Variants in NEMP2 observed in about 807,000 individuals in gnomAD.
The protein encoded by NEMP2 is UPF0571 transmembrane protein.
A neutral mutation model predicts 54.2 loss-of-function variants in NEMP2; 53 were observed. The ratio of observed to expected loss-of-function variants is 0.98; its 90% CI spans 0.78 to 1.23. NEMP2 has a LOEUF of 1.23. NEMP2 is among the 50% of genes most tolerant of loss of function. NEMP2 has a pLI of 0.00. For synonymous variants in NEMP2, 197 were observed against 190.3 expected (o/e 1.04, Z -0.29); for missense variants, 455 against 511.3 (o/e 0.89, Z 1.06).
At chr2:190,488,530 T>A in the NEMP2 span, 4 of 914,760 alleles carry the variant, frequency 4.4e-6, no homozygotes, top group African/African-American at 3.4e-5. This position sits in a 1 kb window ranked among gnomAD's most constrained non-coding sequence, Gnocchi z 6.4. Context: ...AAATGGTAAA[T>A]TTTTAATGTA....
the NEMP2 span, among the ~76,000 whole-genome samples, chr2:190,562,414 T>C: frequency 6.6e-6 from 1 of 152,180 alleles, no homozygotes; most frequent in Non-Finnish European, 1.5e-5. The surrounding 1 kb of genome is among the most constrained non-coding windows in gnomAD (Gnocchi z 5.0). Flanking sequence ...CCATGGAGCA[T>C]TAAGCACTCC....
the NEMP2 span, among the ~76,000 whole-genome samples, chr2:190,646,308 T>C: frequency 3.9e-5 from 6 of 152,210 alleles, no homozygotes; most frequent in African/African-American, 1.4e-4. Context: ...TCTCTTTGCT[T>C]TCCTCTAACA....
At chr2:190,457,568 A>G in the NEMP2 span, among the ~76,000 whole-genome samples, 1 of 152,204 alleles carries the variant, frequency 6.6e-6, no homozygotes, top group Non-Finnish European at 1.5e-5. This position sits in a 1 kb window ranked among gnomAD's most constrained non-coding sequence, Gnocchi z 5.1. Flanking sequence ...CTTGAAGCCA[A>G]TTGACCTGAA....
the NEMP2 span, among the ~76,000 whole-genome samples, chr2:190,541,174 A>G: frequency 7.3e-6 from 1 of 137,812 alleles, no homozygotes; most frequent in Non-Finnish European, 1.6e-5. The surrounding 1 kb of genome is among the most constrained non-coding windows in gnomAD (Gnocchi z 5.2). Context: ...CATTTTATAT[A>G]TATGTGTATA....
chr2:190,635,880 T>C, the NEMP2 span, among the ~76,000 whole-genome samples: 1 of 152,228 alleles, frequency 6.6e-6, no homozygotes, highest in Non-Finnish European at 1.5e-5. This position sits in a 1 kb window ranked among gnomAD's most constrained non-coding sequence, Gnocchi z 4.1. Flanking sequence ...TGTTGTTTGT[T>C]TTTTGAGACA....
At chr2:190,619,169 A>G in the NEMP2 span, among the ~76,000 whole-genome samples, 1 of 152,082 alleles carries the variant, frequency 6.6e-6, no homozygotes, top group Non-Finnish European at 1.5e-5. The surrounding 1 kb of genome is among the most constrained non-coding windows in gnomAD (Gnocchi z 5.5). Context: ...GCTTGAGCCC[A>G]GGAATTTGAG....
the NEMP2 span, among the ~76,000 whole-genome samples, chr2:190,621,622 CA>C: frequency 1.3e-5 from 2 of 151,526 alleles, no homozygotes; most frequent in Non-Finnish European, 2.9e-5. Context: ...GTAATTGGCT[CA>C]TATGTCCCTA....
intron 6 of NEMP2, 108 bp downstream of exon 6, chr2:190,516,162 C>G (rs1690547944): frequency 1.4e-6 from 1 of 730,498 alleles, no homozygotes; most frequent in Non-Finnish European, 2.2e-6. Context: ...TTCGTTAGTT[C>G]AAAATGAAAA....
At chr2:190,465,136 C>T in the NEMP2 span, among the ~76,000 whole-genome samples, 26 of 152,138 alleles carry the variant, frequency 1.7e-4, no homozygotes, top group Admixed American at 3.9e-4. This position sits in a 1 kb window ranked among gnomAD's most constrained non-coding sequence, Gnocchi z 4.6. Context: ...GAATCTGTAA[C>T]AATTTTTTTC....
chr2:190,449,778 A>G, the NEMP2 span, among the ~76,000 whole-genome samples: 3 of 150,334 alleles, frequency 2.0e-5, no homozygotes, highest in African/African-American at 7.4e-5. Flanking sequence ...AAAACCAAAC[A>G]CCGCATATTC....
chr2:190,616,271 C>A, the NEMP2 span, among the ~76,000 whole-genome samples: 4 of 152,060 alleles, frequency 2.6e-5, no homozygotes, highest in African/African-American at 7.2e-5. The surrounding 1 kb of genome is among the most constrained non-coding windows in gnomAD (Gnocchi z 5.1). Flanking sequence ...AAACCTGAAC[C>A]AGAAGCACCT....
At chr2:190,451,828 A>G in the NEMP2 span, among the ~76,000 whole-genome samples, 14 of 152,358 alleles carry the variant, frequency 9.2e-5, no homozygotes, top group South Asian at 2.5e-3. The surrounding 1 kb of genome is among the most constrained non-coding windows in gnomAD (Gnocchi z 5.0). Context: ...ATGTTTTTCT[A>G]AGAGAAGCTG....
chr2:190,471,589 G>A, the NEMP2 span, among the ~76,000 whole-genome samples: 12 of 152,146 alleles, frequency 7.9e-5, no homozygotes, highest in Middle Eastern at 6.3e-3. The surrounding 1 kb of genome is among the most constrained non-coding windows in gnomAD (Gnocchi z 4.7). Context: ...ACAAAGCAGC[G>A]GCTGGGAAGC....
At chr2:190,539,269 ATTTATTTCTGGGTTCTGTATTCTGT>A (rs1691472364), upstream of NEMP2, among the ~76,000 whole-genome samples, 1 of 151,880 alleles carries the variant, frequency 6.6e-6, no homozygotes, top group Non-Finnish European at 1.5e-5. The surrounding 1 kb of genome is among the most constrained non-coding windows in gnomAD (Gnocchi z 4.1). Context: ...AAACATGTGG[ATTTATTTCTGGGTTCTGTATTCTGT>A]GCCATTGGTC....
chr2:190,473,923 G>A, the NEMP2 span, among the ~76,000 whole-genome samples: 2 of 152,152 alleles, frequency 1.3e-5, no homozygotes, highest in African/African-American at 4.8e-5. Flanking sequence ...ACTCAAAACT[G>A]CTCAAGTACA....
chr2:190,576,250 A>G, the NEMP2 span, among the ~76,000 whole-genome samples: 1 of 152,126 alleles, frequency 6.6e-6, no homozygotes, highest in African/African-American at 2.4e-5. Context: ...GGATTACAAA[A>G]GTGAGCCAGC....
At chr2:190,606,317 C>T in the NEMP2 span, among the ~76,000 whole-genome samples, 4 of 152,198 alleles carry the variant, frequency 2.6e-5, no homozygotes, top group Admixed American at 2.0e-4. Flanking sequence ...CCCAGCTCTG[C>T]GGCACACTAG....
the NEMP2 span, among the ~76,000 whole-genome samples, chr2:190,424,191 T>TG: frequency 3.3e-5 from 5 of 151,980 alleles, no homozygotes; most frequent in Non-Finnish European, 7.4e-5. This position sits in a 1 kb window ranked among gnomAD's most constrained non-coding sequence, Gnocchi z 5.9. Context: ...CGGTGTCAAG[T>TG]CTAAAAACTC....
rs1691086791 is a variant in NEMP2 at position 190,529,991 on chromosome 2, T to C, written c.97+4568A>G. On this transcript the variant is annotated intron_variant, in intron 1 of 8. Coordinates refer to ENST00000409150, the MANE Select transcript of NEMP2 (RefSeq NM_001142645.2). This position sits in a 1 kb window ranked among gnomAD's most constrained non-coding sequence, Gnocchi z 4.7. ...CTGTAACCCTTAACATCCTCTGGACTGGGGATCATCTTCTTGCCCCTCACT... is the reference window on the plus strand; with the variant it reads ...CTGTAACCCTTAACATCCTCTGGACCGGGGATCATCTTCTTGCCCCTCACT... Among the ~76,000 whole-genome samples, 3 of 152,206 alleles carry C rather than the reference T, an allele frequency of 2.0e-5. No homozygotes were observed. Among genetic ancestry groups the C allele is most frequent in the South Asian group, 4.1e-4 (2 of 4,828 alleles).
Sources: gnomAD v4.1 joint callset for allele counts (sites outside exome capture counted in the v4.1 genomes callset) on GRCh38, gnomAD v4.1.1 for gene constraint, Gnocchi (gnomAD v3.1) non-coding constraint, MANE v1.5 for transcripts, NCBI Gene and HGNC (gene_info 2026-07-23, HGNC 2026-07-21) for gene names.